Variants in CCDC180 observed in about 807,000 individuals in gnomAD.
The protein encoded by CCDC180 is coiled-coil domain containing 180, also known as coiled-coil domain-containing protein 180.
Under a neutral mutation model 209.2 loss-of-function variants are expected in CCDC180, and 154 were observed. The observed-to-expected ratio is 0.74, with a 90% confidence interval of 0.65 to 0.84. CCDC180 has a LOEUF of 0.84. Ranked by LOEUF, CCDC180 falls within the 40% of genes least tolerant of loss-of-function variation. CCDC180 has a pLI of 0.00. For missense variants in CCDC180, 1,874 were observed against 1,997.3 expected (o/e 0.94, Z 1.18); for synonymous variants, 778 against 749.1 (o/e 1.04, Z -0.63).
At chr9:97,310,687 T>C (rs1480089964) in intron 3 of CCDC180, among the ~76,000 whole-genome samples, 2 of 152,120 alleles carry the variant, frequency 1.3e-5, no homozygotes, top group African/African-American at 4.8e-5. Context: ...TTCACCCTCT[T>C]TGGGGCAGGG....
chr9:97,313,003 G>A (rs1235906047), intron 4 of CCDC180, among the ~76,000 whole-genome samples: 9 of 152,048 alleles, frequency 5.9e-5, no homozygotes, highest in African/African-American at 1.9e-4. Context: ...AACATTCTGT[G>A]CATACTATTT....
At chr9:97,318,338 C>G in intron 9 of CCDC180, 125 bp from the exon 10 acceptor site, 1 of 1,070,384 alleles carries the variant, frequency 9.3e-7, no homozygotes, top group Non-Finnish European at 1.3e-6. Context: ...GAGGAAGGGG[C>G]TGGGGGTGGT....
At chr9:97,328,574 C>A (rs1825630294) in intron 16 of CCDC180, among the ~76,000 whole-genome samples, 1 of 152,142 alleles carries the variant, frequency 6.6e-6, no homozygotes, top group African/African-American at 2.4e-5. Context: ...CTTGACTCTC[C>A]CTCATCCAGC....
chr9:97,325,219 T>A, intron 14 of CCDC180, 27 bp downstream of exon 14: 16 of 1,562,952 alleles, frequency 1.0e-5, no homozygotes, highest in Non-Finnish European at 1.3e-5. Context: ...GGGCTCCATG[T>A]TTCACACCAC....
At chr9:97,367,013 A>G (rs765602363) in intron 31 of CCDC180, among the ~76,000 whole-genome samples, 4 of 152,212 alleles carry the variant, frequency 2.6e-5, no homozygotes, top group Non-Finnish European at 4.4e-5. Context: ...TTACACATGT[A>G]GTGTACTCAA....
In CCDC180 at chr9:97,349,325, G is replaced by C. The variant is rs1041622759; in HGVS notation, c.2855+34G>C. On this transcript the variant is annotated intron_variant, in intron 21 of 36. Coordinates refer to ENST00000529487, the MANE Select transcript of CCDC180 (RefSeq NM_020893.6). The stretch of plus-strand genomic sequence containing the variant: ...TCCTGGGAGTCTCCACCCCAGCCAT[G>C]TGGCTCTGGAATCCCAGTTCGGCTG... 2.6e-6 allele frequency: 4 copies of C among 1,520,420 alleles called. No homozygotes were observed. The African/African-American group carries it at 5.5e-5, about 21-fold the overall frequency. The allele number at this position is 1,520,420 out of a possible 1,614,324, so 94.2% of individuals were successfully genotyped here.
rs1055940362 is a variant in CCDC180, at chr9:97,366,196, C to G, written c.4048-363C>G. Among the ~76,000 whole-genome samples, 1 of 152,248 alleles carries G rather than the reference C, an allele frequency of 6.6e-6. No homozygotes were observed. The highest frequency in any genetic ancestry group is 1.5e-5 in the Non-Finnish European group (1 of 68,042). ...CTGTCTGCCTCCTTCAGGGCAGGGT[C>G]CCTGGCTCGCCCGTCTTTGTGGCCT... On this transcript the variant is annotated intron_variant, in intron 30 of 36. Transcript: ENST00000529487. The surrounding 1 kb of genome is among the most constrained non-coding windows in gnomAD (Gnocchi z 4.3).
intron 3 of CCDC180, among the ~76,000 whole-genome samples, chr9:97,310,341 C>T (rs1037424933): frequency 2.6e-5 from 4 of 152,146 alleles, no homozygotes; most frequent in Admixed American, 2.6e-4. Context: ...GAGGAGAGAG[C>T]TCCTGAGAGC....
rs562149657 is a variant in CCDC180 at position 97,368,932 on chromosome 9, T to C, written c.4190-990T>C. On this transcript the variant is annotated intron_variant, in intron 31 of 36. Coordinates refer to ENST00000529487, the MANE Select transcript of CCDC180 (RefSeq NM_020893.6). ...AAAGACTTGGCAGATATTAAAAGTATTGGACACAGAACATAGAATAATATA... is the reference window on the plus strand; with the variant it reads ...AAAGACTTGGCAGATATTAAAAGTACTGGACACAGAACATAGAATAATATA... 1.5e-3 allele frequency among the ~76,000 whole-genome samples: 228 copies of C among 152,216 alleles called. 3 individuals carry two copies. Among genetic ancestry groups the C allele is most frequent in the African/African-American group, 5.2e-3 (215 of 41,518 alleles).
chr9:97,308,616 G>A (rs1220429750), intron 2 of CCDC180, among the ~76,000 whole-genome samples: 2 of 152,214 alleles, frequency 1.3e-5, no homozygotes, highest in African/African-American at 2.4e-5. Flanking sequence ...CTTGACAACA[G>A]TGTAGGTTGT....
intron 21 of CCDC180, among the ~76,000 whole-genome samples, chr9:97,350,111 A>G (rs186729830): frequency 3.3e-5 from 5 of 152,118 alleles, no homozygotes; most frequent in African/African-American, 1.2e-4. Flanking sequence ...GTGGAGCCCA[A>G]ATAGACTCCC....
intron 36 of CCDC180, 36 bp from the exon 37 acceptor site, chr9:97,376,727 T>G: frequency 6.2e-7 from 1 of 1,603,166 alleles, no homozygotes; most frequent in Non-Finnish European, 8.5e-7. Flanking sequence ...CAGATGTCTC[T>G]CCTCATGTGG....
chr9:97,342,873 A>G (rs1019823374), intron 18 of CCDC180, among the ~76,000 whole-genome samples: 5 of 152,248 alleles, frequency 3.3e-5, no homozygotes, highest in African/African-American at 7.2e-5. Context: ...AACATATTCA[A>G]AATCACAGAA....
chr9:97,312,317 T>G, intron 4 of CCDC180, 116 bp downstream of exon 4: 2 of 792,422 alleles, frequency 2.5e-6, no homozygotes, highest in Non-Finnish European at 4.1e-6. Flanking sequence ...TCCCACTGTG[T>G]TCCTCGGCTC....
chr9:97,376,517 G>C, intron 36 of CCDC180: 1 of 415,270 alleles, frequency 2.4e-6, no homozygotes, highest in Non-Finnish European at 4.5e-6. Context: ...ACAGGTCCTA[G>C]TCCCTGCTCA....
chr9:97,356,309 C>T (rs916715552), intron 24 of CCDC180, among the ~76,000 whole-genome samples: 1 of 152,052 alleles, frequency 6.6e-6, no homozygotes, highest in South Asian at 2.1e-4. Flanking sequence ...AAGTGCAGTT[C>T]GATAAAAGAA....
chr9:97,376,657 C>G, intron 36 of CCDC180, 106 bp from the exon 37 acceptor site: 1 of 1,241,448 alleles, frequency 8.1e-7, no homozygotes. Flanking sequence ...TTGCCAGTGC[C>G]TGGAATGGGT....
Position 97,370,677 on chromosome 9 carries a change from C to A in CCDC180, c.4387C>A (p.His1463Asn). The change falls in exon 33 of 37, where the codon CAC (histidine) becomes AAC (asparagine). Residue 1463 changes from histidine (H) to asparagine (N), a missense_variant. Physicochemically the swap from His to Asn is moderately conservative, Grantham distance 68 (BLOSUM62 1). Transcript: ENST00000529487. The part of the protein sequence containing the change: ...NAQKLHLNLG[H>N]PVHFQEMESL... Reference sequence around the variant, plus strand: ...CCAGAAGCTCCATCTAAATCTTGGACACCCCGTACATTTCCAAGAAATGGA... The same window carrying A: ...CCAGAAGCTCCATCTAAATCTTGGAAACCCCGTACATTTCCAAGAAATGGA... The A allele has an allele frequency of 6.2e-7, 1 of 1,614,074 alleles. No individual in the cohort carries two copies. Among genetic ancestry groups the A allele is most frequent in the East Asian group, 2.2e-5 (1 of 44,872 alleles).
intron 26 of CCDC180, among the ~76,000 whole-genome samples, chr9:97,360,669 C>T (rs1389307393): frequency 2.0e-5 from 3 of 152,190 alleles, no homozygotes; most frequent in East Asian, 3.9e-4. Flanking sequence ...CCTCTCACTC[C>T]GCCTAAGATG....
Sources: gnomAD v4.1 joint callset for allele counts (sites outside exome capture counted in the v4.1 genomes callset) on GRCh38, gnomAD v4.1.1 for gene constraint, Gnocchi (gnomAD v3.1) non-coding constraint, MANE v1.5 for transcripts, NCBI Gene and HGNC (gene_info 2026-07-23, HGNC 2026-07-21) for gene names.